The following MBP variants were observed in gnomAD, a reference collection of about 807,000 sequenced individuals.
The protein encoded by MBP is Golli-MBP.
In MBP, 16 loss-of-function variants were observed where a neutral mutation model predicts 35.8. That is an observed-to-expected ratio of 0.45 (90% CI 0.30 to 0.68). The LOEUF (loss-of-function observed/expected upper bound fraction) is 0.68, where lower values mean the gene tolerates loss of function less well. Among genes scored for constraint, MBP ranks in the 30% least tolerant of loss-of-function variants. MBP has a pLI of 0.08. For synonymous variants in MBP, 143 were observed against 159.6 expected (o/e 0.90, Z 0.78); for missense variants, 380 against 404.7 (o/e 0.94, Z 0.52).
rs866068833 is a variant in MBP, at chr18:77,014,751, G to A, written c.576+2081C>T. The A allele has an allele frequency of 7.1e-6, 7 of 985,258 alleles. No individual in the cohort carries two copies. In the East Asian group the frequency reaches 3.4e-4, roughly 48 times the overall value. 61.0% of individuals were successfully genotyped at this position (985,258 alleles called of 1,614,324 possible). A position where few individuals can be genotyped will look rare whatever the true frequency, so the allele number is the denominator to read the frequency against. ...GAGCAATCACATCCCCACTGCGTGC[G>A]CTCCCCCGGGATGCCTCACAGCTGC... On this transcript the variant is annotated intron_variant, in intron 4 of 8. Coordinates refer to ENST00000355994, the MANE Select transcript of MBP (RefSeq NM_001025101.2).
At chr18:77,028,679 CTT>C (rs1972364439) in intron 3 of MBP, among the ~76,000 whole-genome samples, 2 of 88,368 alleles carry the variant, frequency 2.3e-5, no homozygotes, top group Non-Finnish European at 6.0e-5. Context: ...GGGCTCCTCA[CTT>C]CCCAGTAGGG....
At chr18:77,032,685 T>TG (rs111433233) in intron 3 of MBP, among the ~76,000 whole-genome samples, 10,955 of 152,306 alleles carry the variant, frequency 0.072, 697 homozygotes, top group South Asian at 0.21. Flanking sequence ...AAGAGATTCT[T>TG]AAAGAGCCCA....
intron 4 of MBP, chr18:77,010,181 A>G: frequency 1.9e-6 from 1 of 528,764 alleles, no homozygotes; most frequent in Non-Finnish European, 3.4e-6. Flanking sequence ...GGAAATCGAG[A>G]GCAAAAGGAA....
intron 2 of MBP, among the ~76,000 whole-genome samples, chr18:77,074,093 G>C (rs772938664): frequency 1.6e-4 from 25 of 152,192 alleles, no homozygotes; most frequent in Non-Finnish European, 3.4e-4. Context: ...GCACAGAAAG[G>C]GTTGCTTCTG....
intron 2 of MBP, among the ~76,000 whole-genome samples, chr18:77,073,505 T>C (rs116108434): frequency 0.012 from 1,893 of 152,324 alleles, 45 homozygotes; most frequent in African/African-American, 0.044. Context: ...GCTGTCTGCA[T>C]GCAGTGGGTT....
intron 3 of MBP, among the ~76,000 whole-genome samples, chr18:77,024,157 CTGCAGCCCACAGGCCGCA>C (rs1479102188): frequency 6.6e-6 from 1 of 152,268 alleles, no homozygotes; most frequent in African/African-American, 2.4e-5. Context: ...CTTGTCCAAC[CTGCAGCCCACAGGCCGCA>C]TGCAGCCCAG....
In MBP at chr18:77,068,054, T is replaced by C. The variant is rs530468402; in HGVS notation, c.52-1669A>G. Among the ~76,000 whole-genome samples, 59 of 152,110 alleles carry C rather than the reference T, an allele frequency of 3.9e-4. No individual in the cohort carries two copies. The South Asian group carries it at 0.011, about 28-fold the overall frequency. On this transcript the variant is annotated intron_variant, in intron 2 of 8. Transcript: ENST00000355994. ...GTGTGTGTGTTTGTGTGTGTGTGTA[T>C]CCATTCCCATCCCTGGGCAGACAGG...
intron 3 of MBP, among the ~76,000 whole-genome samples, chr18:77,064,672 C>T (rs1350554832): frequency 6.6e-6 from 1 of 152,128 alleles, no homozygotes; most frequent in South Asian, 2.1e-4. Flanking sequence ...CAAAAAAAAT[C>T]GGCATAAATT....
At chr18:77,084,901 G>A (rs928724282) in intron 2 of MBP, among the ~76,000 whole-genome samples, 15 of 152,078 alleles carry the variant, frequency 9.9e-5, no homozygotes, top group East Asian at 9.7e-4. Context: ...GGAAGCCACC[G>A]CTCCATCAGC....
chr18:77,017,139 T>G lies in MBP; in HGVS notation c.269A>C (p.His90Pro), dbSNP rs1007140529. 6.4e-6 allele frequency: 10 copies of G among 1,573,150 alleles called. No individual in the cohort carries two copies. The highest frequency in any genetic ancestry group is 8.6e-6 in the Non-Finnish European group (10 of 1,157,090). The change falls in exon 4 of 9, where the codon CAC becomes CCC. Residue 90 changes from histidine to proline, a missense_variant. Coordinates refer to ENST00000355994, the MANE Select transcript of MBP (RefSeq NM_001025101.2). ...ATCTCGGGAAAAGAGGCGGATCAAG[T>G]GGGGGCGGCTCCCTGGGTCAGCTGG... Reference protein sequence around the residue: ...AHPADPGSRPHLIRLFSRDAP... With the variant: ...AHPADPGSRPPLIRLFSRDAP...
intron 2 of MBP, among the ~76,000 whole-genome samples, chr18:77,085,341 G>A (rs1474591998): frequency 6.6e-6 from 1 of 152,212 alleles, no homozygotes; most frequent in Non-Finnish European, 1.5e-5. Context: ...TCAAAAGACA[G>A]TAACAGAGAA....
At chr18:76,981,501 C>G (rs1249046677) in intron 8 of MBP, 1 of 152,240 alleles carries the variant, frequency 6.6e-6, no homozygotes, top group Non-Finnish European at 1.5e-5. Flanking sequence ...GTTCTGACTT[C>G]TTGGGGGGTT....
intron 2 of MBP, among the ~76,000 whole-genome samples, chr18:77,089,071 G>A (rs1041002235): frequency 4.6e-5 from 7 of 152,242 alleles, no homozygotes; most frequent in African/African-American, 1.7e-4. Flanking sequence ...AATTATTCAC[G>A]TAGCCTGTCA....
chr18:77,056,246 C>T (rs1973714760), intron 3 of MBP, among the ~76,000 whole-genome samples: 1 of 152,238 alleles, frequency 6.6e-6, no homozygotes, highest in Non-Finnish European at 1.5e-5. Context: ...AGGTGCTGCT[C>T]TAAACTGGAG....
At chr18:76,991,965 T>G (rs1367458383) in intron 4 of MBP, among the ~76,000 whole-genome samples, 1 of 152,208 alleles carries the variant, frequency 6.6e-6, no homozygotes, top group East Asian at 1.9e-4. Context: ...GGGTGACAAC[T>G]GCATGCTGCA....
chr18:77,132,291 G>GC (rs1171073703), intron 1 of MBP, among the ~76,000 whole-genome samples: 1 of 152,282 alleles, frequency 6.6e-6, no homozygotes, highest in South Asian at 2.1e-4. Context: ...CCCGCGCCCA[G>GC]CCCCCGCGCA....
intron 2 of MBP, among the ~76,000 whole-genome samples, chr18:77,072,425 C>T (rs1249555003): frequency 1.3e-5 from 2 of 152,182 alleles, no homozygotes; most frequent in Admixed American, 6.5e-5. Context: ...AATCATTATT[C>T]GCATGACAGC....
intron 7 of MBP, chr18:76,985,632 G>T (rs1212126056): frequency 1.9e-6 from 2 of 1,060,028 alleles, no homozygotes; most frequent in Non-Finnish European, 2.3e-6. Context: ...CACGGGGGGC[G>T]GCCGCATCCT....
chr18:77,083,093 C>T (rs1053965508), intron 2 of MBP, among the ~76,000 whole-genome samples: 1 of 152,038 alleles, frequency 6.6e-6, no homozygotes, highest in Non-Finnish European at 1.5e-5. Context: ...CATGCCTCAG[C>T]CCCCCGAGTA....
Sources: gnomAD v4.1 joint callset for allele counts (sites outside exome capture counted in the v4.1 genomes callset) on GRCh38, gnomAD v4.1.1 for gene constraint, MANE v1.5 for transcripts, NCBI Gene and HGNC (gene_info 2026-07-23, HGNC 2026-07-21) for gene names.